The following RBMS3 variants were observed in gnomAD, a reference collection of about 807,000 sequenced individuals.
The protein encoded by RBMS3 is RNA binding motif single stranded interacting protein 3.
Under a neutral mutation model 66.8 loss-of-function variants are expected in RBMS3, and 27 were observed. That is an observed-to-expected ratio of 0.40 (90% confidence interval 0.30 to 0.56). The LOEUF is 0.56. Among genes scored for constraint, RBMS3 ranks in the 20% least tolerant of loss-of-function variants. RBMS3 has a pLI of 0.40. For missense variants in RBMS3, 513 were observed against 549.5 expected (o/e 0.93, Z 0.66); for synonymous variants, 188 against 183.0 (o/e 1.03, Z -0.22).
intron 1 of RBMS3, among the ~76,000 whole-genome samples, chr3:29,299,566 G>A (rs2033528746): frequency 6.6e-6 from 1 of 151,282 alleles, no homozygotes; most frequent in Non-Finnish European, 1.5e-5. Context: ...CCATCAAGTG[G>A]GGGTAGAAAT....
At position 29,930,235 on chromosome 3, in the gene RBMS3, C is replaced by T. The variant is rs140122301; in HGVS notation, c.940-5851C>T. On this transcript the variant is annotated intron_variant, in intron 10 of 14. Coordinates refer to ENST00000383767, the MANE Select transcript of RBMS3 (RefSeq NM_001003793.3). ...CACGCCATTCTCCTGCCTCAGCCTC[C>T]GAAGTAGCTGGGACTACAGGCGCCT... is the stretch of plus-strand genomic sequence containing the variant. 4.2e-3 allele frequency among the ~76,000 whole-genome samples: 630 copies of T among 149,834 alleles called. 9 individuals carry two copies. Among genetic ancestry groups the T allele is most frequent in the African/African-American group, 0.014 (584 of 40,950 alleles).
intron 4 of RBMS3, among the ~76,000 whole-genome samples, chr3:29,725,474 A>T (rs2371811): frequency 0.028 from 4,254 of 150,834 alleles, 84 homozygotes; most frequent in Admixed American, 0.063. Flanking sequence ...TGCTAGCTAG[A>T]CTAGTAAAGA....
intron 1 of RBMS3, among the ~76,000 whole-genome samples, chr3:29,349,083 T>C (rs1034651350): frequency 2.0e-5 from 3 of 152,152 alleles, no homozygotes; most frequent in East Asian, 1.9e-4. Flanking sequence ...CAGGTCTCTC[T>C]CTTTCTTGAG....
At chr3:29,871,500 C>T (rs189708364) in intron 7 of RBMS3, among the ~76,000 whole-genome samples, 400 of 152,164 alleles carry the variant, frequency 2.6e-3, no homozygotes, top group Middle Eastern at 6.8e-3. Flanking sequence ...TACCATTATA[C>T]TAAGGTTGGC....
intron 3 of RBMS3, among the ~76,000 whole-genome samples, chr3:29,551,783 A>G (rs1189380638): frequency 2.6e-5 from 4 of 152,186 alleles, no homozygotes; most frequent in Non-Finnish European, 5.9e-5. Context: ...CATTCAGTGT[A>G]CCAACATAAA....
chr3:29,547,657 C>G (rs1261646474), intron 3 of RBMS3, among the ~76,000 whole-genome samples: 3 of 151,948 alleles, frequency 2.0e-5, no homozygotes, highest in Non-Finnish European at 4.4e-5. Context: ...TAAACAGACT[C>G]CAAATGAAAA....
chr3:29,931,652 C>CAA (rs1297506118), intron 10 of RBMS3, among the ~76,000 whole-genome samples: 4 of 151,908 alleles, frequency 2.6e-5, no homozygotes, highest in Non-Finnish European at 5.9e-5. Context: ...CAAAACAAAA[C>CAA]AAAACAGTTG....
intron 3 of RBMS3, among the ~76,000 whole-genome samples, chr3:29,574,009 G>T (rs1037999276): frequency 6.6e-6 from 1 of 152,154 alleles, no homozygotes; most frequent in Non-Finnish European, 1.5e-5. Flanking sequence ...TGATCCACAT[G>T]ATGAGGAGAA....
chr3:29,430,306 C>T lies in RBMS3; in HGVS notation c.76-4437C>T, dbSNP rs548502126. On this transcript the variant is annotated intron_variant, in intron 1 of 14. Transcript: ENST00000383767. ...GTTCAATAACACCGAGAAAATCGAC[C>T]GCTTTCAGCAGAATTTCTAGAATTT... Among the ~76,000 whole-genome samples, 8 of 151,896 alleles carry T rather than the reference C, an allele frequency of 5.3e-5. 1 individual carries two copies. The South Asian group carries it at 8.3e-4, about 16-fold the overall frequency.
intron 6 of RBMS3, among the ~76,000 whole-genome samples, chr3:29,831,711 G>C (rs1232622121): frequency 6.6e-6 from 1 of 152,002 alleles, no homozygotes; most frequent in Non-Finnish European, 1.5e-5. Context: ...TGTTATAGGA[G>C]TTTTCTTCAT....
chr3:29,291,434 G>C (rs183823189), intron 1 of RBMS3, among the ~76,000 whole-genome samples: 8 of 151,994 alleles, frequency 5.3e-5, no homozygotes, highest in African/African-American at 1.7e-4. Context: ...ACATTGGATT[G>C]ACCTTTGGCA....
At chr3:29,379,640 A>G (rs971139314) in intron 1 of RBMS3, among the ~76,000 whole-genome samples, 5 of 152,210 alleles carry the variant, frequency 3.3e-5, no homozygotes, top group African/African-American at 9.6e-5. Flanking sequence ...TCCATGATTC[A>G]GTTGCCTCCC....
intron 6 of RBMS3, among the ~76,000 whole-genome samples, chr3:29,833,212 G>C (rs7646540): frequency 0.093 from 14,095 of 152,088 alleles, 685 homozygotes; most frequent in East Asian, 0.16. Context: ...GGAGATAACT[G>C]CTTCTTCAAA....
intron 4 of RBMS3, among the ~76,000 whole-genome samples, chr3:29,717,344 C>T (rs1476500299): frequency 2.0e-5 from 3 of 152,012 alleles, no homozygotes; most frequent in African/African-American, 7.2e-5. Flanking sequence ...TCTTGCCACA[C>T]GTTCTGTTTA....
At position 29,991,853 on chromosome 3, in the gene RBMS3, T is replaced by C. The variant is rs183512886; in HGVS notation, c.1307+644T>C. 3.9e-5 allele frequency: 6 copies of C among 152,224 alleles called. No individual in the cohort carries two copies. In the East Asian group the frequency reaches 5.8e-4, roughly 15 times the overall value. 9.4% of individuals were successfully genotyped at this position (152,224 alleles called of 1,614,324 possible). ...CTTTGAATACACAGTTAAATGTCGA[T>C]GAAAAAGGGTATTGTAAGATATGAA... On this transcript the variant is annotated intron_variant, in intron 14 of 14. Transcript: ENST00000383767.
At chr3:29,791,018 A>T (rs1489532156) in intron 6 of RBMS3, among the ~76,000 whole-genome samples, 1 of 152,218 alleles carries the variant, frequency 6.6e-6, no homozygotes, top group Non-Finnish European at 1.5e-5. Context: ...AGGAAATCAG[A>T]GTGAACCCTC....
chr3:29,443,814 G>A (rs1390130547), intron 2 of RBMS3, among the ~76,000 whole-genome samples: 1 of 152,018 alleles, frequency 6.6e-6, no homozygotes, highest in African/African-American at 2.4e-5. Flanking sequence ...TTTGGAGATA[G>A]TTTTGATAGC....
At chr3:29,989,010 G>T (rs1366918932) in intron 13 of RBMS3, among the ~76,000 whole-genome samples, 2 of 152,132 alleles carry the variant, frequency 1.3e-5, no homozygotes, top group African/African-American at 4.8e-5. Context: ...TATTTGTCTG[G>T]AGTATAGACT....
At chr3:29,733,276 A>T (rs1282149416) in intron 4 of RBMS3, among the ~76,000 whole-genome samples, 2 of 152,010 alleles carry the variant, frequency 1.3e-5, no homozygotes, top group Non-Finnish European at 2.9e-5. Flanking sequence ...TAGTTAAAAA[A>T]TTTCTATAAA....
Sources: allele counts gnomAD v4.1 joint callset (sites outside exome capture counted in the v4.1 genomes callset), GRCh38; gene constraint gnomAD v4.1.1; transcripts MANE v1.5; gene names NCBI Gene and HGNC (gene_info 2026-07-23, HGNC 2026-07-21).